NFIL3: variants seen among roughly 807,000 people sequenced by gnomAD.
NFIL3 encodes the protein nuclear factor interleukin-3-regulated protein.
A neutral mutation model predicts 10.0 loss-of-function variants in NFIL3; 5 were observed. That is an observed-to-expected ratio of 0.50 (90% CI 0.26 to 1.06). NFIL3 has a LOEUF of 1.06. NFIL3 is among the 50% of genes least tolerant of loss of function. The probability of loss-of-function intolerance (pLI) is 0.13; values close to 1 mark genes in which losing one functional copy is unlikely to be tolerated. For synonymous variants in NFIL3, 202 were observed against 206.5 expected (o/e 0.98, Z 0.19); for missense variants, 436 against 547.6 (o/e 0.80, Z 2.03).
At chr9:91,415,063 ACACATATGGAG>A (rs1833627388) in intron 1 of NFIL3, among the ~76,000 whole-genome samples, 1 of 152,170 alleles carries the variant, frequency 6.6e-6, no homozygotes, top group African/African-American at 2.4e-5. Flanking sequence ...TGTTTATTCA[ACACATATGGAG>A]CACCTACTGT....
chr9:91,445,578 C>T, the NFIL3 span, among the ~76,000 whole-genome samples: 2 of 152,128 alleles, frequency 1.3e-5, no homozygotes, highest in African/African-American at 2.4e-5. Context: ...ATCAGCTCAG[C>T]TCCAGAGTAT....
At chr9:91,482,813 C>T in the NFIL3 span, among the ~76,000 whole-genome samples, 7 of 151,992 alleles carry the variant, frequency 4.6e-5, no homozygotes, top group Non-Finnish European at 7.4e-5. Context: ...CCTAACTGAA[C>T]GTTTTAAAAA....
chr9:91,410,276 C>T lies in NFIL3; in HGVS notation c.459G>A (p.Gln153=). ...ATGAACTCACATTGGATTTGGAAGT[C>T]TGGTAATCTTGAAAGTACACAGCTG... The part of the protein sequence containing the change: ...NSTAVYFQDY[Q]TSKSNVSSFV... Residue 153 remains glutamine (Q), a synonymous_variant, in exon 2 of 2, where the codon CAG becomes CAA. Transcript: ENST00000297689. The surrounding 1 kb of genome is among the most constrained non-coding windows in gnomAD (Gnocchi z 5.7). 6.2e-7 allele frequency: 1 copy of T among 1,614,200 alleles called. No individual in the cohort carries two copies. Among genetic ancestry groups the T allele is most frequent in the Non-Finnish European group, 8.5e-7 (1 of 1,180,046 alleles).
chr9:91,464,969 T>G, the NFIL3 span, among the ~76,000 whole-genome samples: 23 of 152,246 alleles, frequency 1.5e-4, no homozygotes, highest in African/African-American at 5.5e-4. Context: ...TTGTTTTGGT[T>G]TTCTTAGTTG....
At chr9:91,461,130 A>G in the NFIL3 span, among the ~76,000 whole-genome samples, 1 of 152,124 alleles carries the variant, frequency 6.6e-6, no homozygotes, top group East Asian at 1.9e-4. Flanking sequence ...TCAGTCAGGG[A>G]CGATTATGGT....
chr9:91,442,140 G>C, the NFIL3 span, among the ~76,000 whole-genome samples: 1 of 152,078 alleles, frequency 6.6e-6, no homozygotes, highest in Non-Finnish European at 1.5e-5. Flanking sequence ...GTGGTGATGA[G>C]TTCCCTCAGC....
chr9:91,480,313 A>C, the NFIL3 span, among the ~76,000 whole-genome samples: 1 of 152,132 alleles, frequency 6.6e-6, no homozygotes, highest in South Asian at 2.1e-4. Flanking sequence ...ATTAAGTTAT[A>C]CTCTAAATTA....
the NFIL3 span, among the ~76,000 whole-genome samples, chr9:91,462,590 A>G: frequency 2.0e-5 from 3 of 151,990 alleles, no homozygotes; most frequent in South Asian, 6.2e-4. Flanking sequence ...GTTGAACTCA[A>G]TTTGTTAATG....
At chr9:91,482,449 G>A in the NFIL3 span, among the ~76,000 whole-genome samples, 7 of 152,044 alleles carry the variant, frequency 4.6e-5, no homozygotes, top group East Asian at 1.3e-3. Context: ...TGATGATGAT[G>A]ATGATGATGA....
the NFIL3 span, among the ~76,000 whole-genome samples, chr9:91,467,869 T>A: frequency 6.6e-6 from 1 of 152,214 alleles, no homozygotes; most frequent in Non-Finnish European, 1.5e-5. Flanking sequence ...CATGAACTCA[T>A]CCTTTTTTAT....
the NFIL3 span, among the ~76,000 whole-genome samples, chr9:91,428,852 A>G: frequency 1.3e-5 from 2 of 152,226 alleles, no homozygotes; most frequent in Admixed American, 6.5e-5. Flanking sequence ...TTATTCATTC[A>G]GATTAAATGG....
At chr9:91,428,156 C>G (rs1833889487), upstream of NFIL3, among the ~76,000 whole-genome samples, 1 of 152,030 alleles carries the variant, frequency 6.6e-6, no homozygotes, top group African/African-American at 2.4e-5. Flanking sequence ...CATTTTTAAT[C>G]TTTCACCTCT....
chr9:91,424,331 C>T (rs909937826), upstream of NFIL3, among the ~76,000 whole-genome samples: 1 of 152,206 alleles, frequency 6.6e-6, no homozygotes, highest in Admixed American at 6.5e-5. Context: ...CGACTGAGCA[C>T]TGCGGGTTGC....
the NFIL3 span, among the ~76,000 whole-genome samples, chr9:91,478,729 T>C: frequency 6.6e-6 from 1 of 152,096 alleles, no homozygotes; most frequent in South Asian, 2.1e-4. Context: ...GATGTTCTGT[T>C]TTTTGGAATT....
At chr9:91,453,254 G>C in the NFIL3 span, among the ~76,000 whole-genome samples, 2 of 151,962 alleles carry the variant, frequency 1.3e-5, no homozygotes, top group Non-Finnish European at 2.9e-5. Context: ...TTAGATTAGG[G>C]CCCACACTAA....
At chr9:91,429,114 A>G in the NFIL3 span, among the ~76,000 whole-genome samples, 3 of 152,390 alleles carry the variant, frequency 2.0e-5, no homozygotes, top group South Asian at 2.1e-4. Flanking sequence ...GAATAAGACA[A>G]GACAGGTCCA....
chr9:91,424,211 C>T (rs1019903776), upstream of NFIL3, among the ~76,000 whole-genome samples: 4 of 152,118 alleles, frequency 2.6e-5, no homozygotes, highest in African/African-American at 7.2e-5. Context: ...TCTTGGCTCC[C>T]TTCACCCTCC....
At chr9:91,443,858 G>A in the NFIL3 span, among the ~76,000 whole-genome samples, 4 of 152,292 alleles carry the variant, frequency 2.6e-5, no homozygotes, top group East Asian at 7.7e-4. Context: ...CTCAAGACAC[G>A]CTGCAGCTGC....
chr9:91,460,268 G>GTTTTTTTTTTTTTTT, the NFIL3 span, among the ~76,000 whole-genome samples: 2 of 77,092 alleles, frequency 2.6e-5, no homozygotes, highest in Non-Finnish European at 4.3e-5. Flanking sequence ...GGAGGGCTTG[G>GTTTTTTTTTTTTTTT]TTCTTTTTTT....
Sources: allele counts gnomAD v4.1 joint callset (sites outside exome capture counted in the v4.1 genomes callset), GRCh38; gene constraint gnomAD v4.1.1; non-coding constraint Gnocchi (gnomAD v3.1); transcripts MANE v1.5; gene names NCBI Gene and HGNC (gene_info 2026-07-23, HGNC 2026-07-21).